The following MGA variants were observed in gnomAD, a reference collection of about 807,000 sequenced individuals.
MGA encodes MAX gene-associated protein.
MGA carries 40 observed loss-of-function variants against 261.1 expected under a neutral mutation model. The observed-to-expected ratio is 0.15, with a 90% confidence interval of 0.12 to 0.20. MGA has a LOEUF of 0.20. Ranked by LOEUF, MGA falls within the 10% of genes least tolerant of loss-of-function variation. The pLI, the probability that MGA is intolerant of heterozygous loss-of-function variation, is 1.00. For synonymous variants in MGA, 1,302 were observed against 1,290.6 expected, an observed-to-expected ratio of 1.01 and a Z score of -0.19; for missense variants, 3,397 against 3,630.5, an observed-to-expected ratio of 0.94 and a Z score of 1.65.
intron 2 of MGA, among the ~76,000 whole-genome samples, chr15:41,689,472 A>T (rs925408676): frequency 6.6e-6 from 1 of 151,950 alleles, no homozygotes; most frequent in African/African-American, 2.4e-5. Context: ...TCATTTAAAT[A>T]ATATAAGAAA....
chr15:41,664,364 C>G lies in MGA; in HGVS notation c.-68+3839C>G, dbSNP rs1423285299. 3.3e-5 allele frequency among the ~76,000 whole-genome samples: 5 copies of G among 152,284 alleles called. No individual in the cohort carries two copies. In the East Asian group the frequency reaches 9.6e-4, roughly 29 times the overall value. ...TTTCACCAAACTGGGTTTTTGTCAA[C>G]TGCATCTTTGACATTTCATAGATTA... On this transcript the variant is annotated intron_variant, in intron 1 of 23. Transcript: ENST00000219905.
intron 1 of MGA, among the ~76,000 whole-genome samples, chr15:41,635,959 TATA>T (rs1229407946): frequency 6.6e-6 from 1 of 152,180 alleles, no homozygotes; most frequent in Admixed American, 6.5e-5. Context: ...ACATATAGTA[TATA>T]ATAATTAAAA....
At chr15:41,751,575 A>T (rs947665616) in intron 17 of MGA, 1 of 152,118 alleles carries the variant, frequency 6.6e-6, no homozygotes, top group African/African-American at 2.4e-5. Flanking sequence ...AATACAAAAA[A>T]TTAGCCAGGT....
chr15:41,690,998 T>TTC (rs1241677050), intron 2 of MGA, among the ~76,000 whole-genome samples: 2 of 150,378 alleles, frequency 1.3e-5, no homozygotes, highest in South Asian at 4.2e-4. Context: ...TGCTTTGTTT[T>TTC]TTTTTTTTTT....
At chr15:41,670,323 A>G (rs1205662015) in intron 2 of MGA, among the ~76,000 whole-genome samples, 2 of 152,300 alleles carry the variant, frequency 1.3e-5, no homozygotes, top group South Asian at 2.1e-4. Flanking sequence ...TTATGACAAC[A>G]TAGATGAGCC....
At position 41,683,966 on chromosome 15, in the gene MGA, G is replaced by A. The variant is rs550383741; in HGVS notation, c.1065-12109G>A. Reference sequence around the variant, plus strand: ...TTTTAAGTTCCTGGATACATGTGCAGGATGTGCAGGTTAGTTACATACGGC... The same window carrying A: ...TTTTAAGTTCCTGGATACATGTGCAAGATGTGCAGGTTAGTTACATACGGC... On this transcript the variant is annotated intron_variant, in intron 2 of 23. Coordinates refer to ENST00000219905, the MANE Select transcript of MGA (RefSeq NM_001164273.2). 9.9e-5 allele frequency among the ~76,000 whole-genome samples: 15 copies of A among 152,100 alleles called. No homozygotes were observed. The East Asian group carries it at 2.9e-3, about 29-fold the overall frequency.
At chr15:41,720,736 G>C (rs530324740) in intron 9 of MGA, among the ~76,000 whole-genome samples, 3 of 152,148 alleles carry the variant, frequency 2.0e-5, no homozygotes, top group Non-Finnish European at 4.4e-5. Flanking sequence ...TGGAGGCTGA[G>C]CCACGAGAAT....
At chr15:41,672,701 A>G (rs1244224639) in intron 2 of MGA, among the ~76,000 whole-genome samples, 1 of 152,200 alleles carries the variant, frequency 6.6e-6, no homozygotes, top group Non-Finnish European at 1.5e-5. Context: ...TTTAGGCAGG[A>G]GTTGGACAAA....
At chr15:41,674,271 A>G (rs1280863745) in intron 2 of MGA, among the ~76,000 whole-genome samples, 1 of 151,556 alleles carries the variant, frequency 6.6e-6, no homozygotes. Context: ...ATCTTGGCTC[A>G]CTGCACTTCT....
chr15:41,701,552 A>G (rs993221883), intron 5 of MGA, among the ~76,000 whole-genome samples: 1 of 152,172 alleles, frequency 6.6e-6, no homozygotes, highest in Non-Finnish European at 1.5e-5. Flanking sequence ...ATTAGCCTGA[A>G]TTTGGGGGGT....
intron 1 of MGA, among the ~76,000 whole-genome samples, chr15:41,634,236 C>T (rs1012574406): frequency 5.3e-5 from 8 of 152,106 alleles, no homozygotes; most frequent in Non-Finnish European, 1.2e-4. Flanking sequence ...GGATTTTTGT[C>T]CTGTTTGCTG....
At chr15:41,709,883 G>A (rs1032481654) in intron 7 of MGA, among the ~76,000 whole-genome samples, 7 of 149,734 alleles carry the variant, frequency 4.7e-5, no homozygotes, top group Non-Finnish European at 8.9e-5. Context: ...GTGCAGTGGC[G>A]TGATCTCGGC....
chr15:41,643,577 G>A (rs1025377447), intron 1 of MGA, among the ~76,000 whole-genome samples: 6 of 151,898 alleles, frequency 4.0e-5, no homozygotes, highest in Admixed American at 3.9e-4. Flanking sequence ...TTGTTGTTGA[G>A]TTGTAGGAGT....
At chr15:41,650,383 C>A (rs933898311) in intron 1 of MGA, among the ~76,000 whole-genome samples, 3 of 152,294 alleles carry the variant, frequency 2.0e-5, no homozygotes, top group East Asian at 3.9e-4. Context: ...TAACACTAAG[C>A]CTTACTTGAT....
chr15:41,623,846 A>G (rs1035106787), intron 1 of MGA, among the ~76,000 whole-genome samples: 3 of 146,850 alleles, frequency 2.0e-5, no homozygotes, highest in African/African-American at 7.6e-5. Context: ...GCTCACCACA[A>G]CCTCTGCCTT....
intron 19 of MGA, 34 bp from the exon 20 acceptor site, chr15:41,760,289 T>C: frequency 6.2e-7 from 1 of 1,603,080 alleles, no homozygotes; most frequent in Non-Finnish European, 8.5e-7. Context: ...AACTACATGT[T>C]CAAGATGTTT....
intron 1 of MGA, among the ~76,000 whole-genome samples, chr15:41,667,854 A>T (rs1395818188): frequency 1.3e-5 from 2 of 152,034 alleles, no homozygotes; most frequent in Non-Finnish European, 2.9e-5. Flanking sequence ...CCCAGGCTGG[A>T]GTGCAGTGGC....
At chr15:41,694,139 C>T (rs549901968) in intron 2 of MGA, among the ~76,000 whole-genome samples, 6 of 152,122 alleles carry the variant, frequency 3.9e-5, no homozygotes, top group East Asian at 3.9e-4. Context: ...GTGACTGGGC[C>T]GGGCGTGGTG....
intron 9 of MGA, among the ~76,000 whole-genome samples, chr15:41,726,728 C>CAA (rs71108124): frequency 7.7e-6 from 1 of 129,884 alleles, no homozygotes; most frequent in Non-Finnish European, 1.7e-5. Flanking sequence ...GACTCTGTCT[C>CAA]AAAAAAAAAA....
Sources: allele counts gnomAD v4.1 joint callset (sites outside exome capture counted in the v4.1 genomes callset), GRCh38; gene constraint gnomAD v4.1.1; transcripts MANE v1.5; gene names NCBI Gene and HGNC (gene_info 2026-07-23, HGNC 2026-07-21).